ZNF717: variants seen among roughly 807,000 people sequenced by gnomAD.
The protein encoded by ZNF717 is krueppel-like factor X17.
In ZNF717, 9 loss-of-function variants were observed where a neutral mutation model predicts 13.8. That is an observed-to-expected ratio of 0.65 (90% CI 0.39 to 1.14). The LOEUF (loss-of-function observed/expected upper bound fraction) is 1.14, where lower values mean the gene tolerates loss of function less well. Ranked by LOEUF, ZNF717 falls within the 50% of genes most tolerant of loss-of-function variation. The pLI, the probability that ZNF717 is intolerant of heterozygous loss-of-function variation, is 0.01. For missense variants in ZNF717, 1,040 were observed against 1,080.7 expected (o/e 0.96, Z 0.53); for synonymous variants, 327 against 364.1 (o/e 0.90, Z 1.16).
intron 2 of ZNF717, among the ~76,000 whole-genome samples, chr3:75,744,171 G>C (rs79089350): frequency 6.6e-6 from 1 of 150,782 alleles, no homozygotes; most frequent in African/African-American, 2.4e-5. Context: ...TTCAATATTC[G>C]GAAGTCTACT....
chr3:75,770,780 G>T (rs1258729991), intron 2 of ZNF717, among the ~76,000 whole-genome samples: 2 of 152,110 alleles, frequency 1.3e-5, no homozygotes, highest in African/African-American at 4.8e-5. Flanking sequence ...CAACAAAGAA[G>T]CATTCAACAG....
At chr3:75,718,782 G>A (rs62248771) in intron 4 of ZNF717, among the ~76,000 whole-genome samples, 36 of 152,252 alleles carry the variant, frequency 2.4e-4, no homozygotes, top group African/African-American at 8.7e-4. Context: ...GATAGGAGGC[G>A]GAGCTCAGGT....
intron 2 of ZNF717, among the ~76,000 whole-genome samples, chr3:75,776,378 T>C (rs1944322239): frequency 6.6e-6 from 1 of 152,286 alleles, no homozygotes; most frequent in Non-Finnish European, 1.5e-5. Context: ...TTAAACATTT[T>C]ATAAAGGGAT....
intron 6 of ZNF717, among the ~76,000 whole-genome samples, chr3:75,699,931 A>G (rs1937652078): frequency 6.6e-6 from 1 of 152,306 alleles, no homozygotes; most frequent in Non-Finnish European, 1.5e-5. Flanking sequence ...GTGGGAATTT[A>G]CCAAAGAAAT....
chr3:75,781,906 G>C (rs7652271), intron 2 of ZNF717, among the ~76,000 whole-genome samples: 21 of 151,760 alleles, frequency 1.4e-4, no homozygotes, highest in African/African-American at 4.8e-4. Context: ...ACCATCTGTC[G>C]TTTTAACTTT....
intron 2 of ZNF717, among the ~76,000 whole-genome samples, chr3:75,756,584 T>C (rs556214356): frequency 2.6e-5 from 4 of 152,366 alleles, no homozygotes; most frequent in African/African-American, 9.6e-5. Flanking sequence ...CTAAACAATG[T>C]TGCTGCTGTT....
intron 4 of ZNF717, among the ~76,000 whole-genome samples, chr3:75,718,877 G>T (rs1008771269): frequency 6.6e-6 from 1 of 152,154 alleles, no homozygotes; most frequent in Non-Finnish European, 1.5e-5. Context: ...CCATGGCCCA[G>T]GGATGGGGAC....
intron 4 of ZNF717, among the ~76,000 whole-genome samples, chr3:75,739,742 C>A (rs1421113089): frequency 6.6e-6 from 1 of 151,614 alleles, no homozygotes; most frequent in African/African-American, 2.4e-5. Context: ...CTTTATTCTT[C>A]TTTGAAGATA....
At chr3:75,720,462 A>C (rs74608206) in intron 4 of ZNF717, among the ~76,000 whole-genome samples, 1 of 152,118 alleles carries the variant, frequency 6.6e-6, no homozygotes, top group Non-Finnish European at 1.5e-5. Context: ...AAACATGGGA[A>C]CAATAGACAC....
chr3:75,736,755 C>T lies in ZNF717; in HGVS notation c.*123G>A. The T allele has an allele frequency of 1.9e-6, 2 of 1,063,816 alleles. No individual in the cohort carries two copies. The highest frequency in any genetic ancestry group is 1.9e-5 in the South Asian group (1 of 52,158). 65.9% of individuals were successfully genotyped at this position (1,063,816 alleles called of 1,614,324 possible). On this transcript the variant is annotated 3_prime_UTR_variant, in exon 5 of 5. Transcript: ENST00000652011. Reference sequence around the variant, plus strand: ...AGCCTGCATGATAGGACTTCTGTTACAGCATGGTTAAGACCTTCTTGTTGG... The same window carrying T: ...AGCCTGCATGATAGGACTTCTGTTATAGCATGGTTAAGACCTTCTTGTTGG...
intron 2 of ZNF717, among the ~76,000 whole-genome samples, chr3:75,762,810 A>G (rs1451892786): frequency 6.8e-6 from 1 of 147,656 alleles, no homozygotes; most frequent in East Asian, 1.9e-4. Context: ...GCAATAAGCC[A>G]AAAAAAAAAT....
intron 6 of ZNF717, among the ~76,000 whole-genome samples, chr3:75,699,918 T>A (rs76908111): frequency 1.3e-5 from 2 of 150,444 alleles, no homozygotes; most frequent in African/African-American, 4.9e-5. Flanking sequence ...TGAATCAAAA[T>A]GTGTGGGAAT....
At chr3:75,764,843 C>T (rs1943306658) in intron 2 of ZNF717, among the ~76,000 whole-genome samples, 1 of 151,984 alleles carries the variant, frequency 6.6e-6, no homozygotes. Flanking sequence ...CCATATGATC[C>T]AGCCATCCAA....
chr3:75,754,266 C>T (rs1206038390), intron 2 of ZNF717, among the ~76,000 whole-genome samples: 3 of 152,190 alleles, frequency 2.0e-5, no homozygotes, highest in Non-Finnish European at 2.9e-5. Flanking sequence ...TACCACATTA[C>T]TGAAGCTATA....
At chr3:75,715,464 C>A (rs1348863149) in intron 5 of ZNF717, among the ~76,000 whole-genome samples, 2 of 152,072 alleles carry the variant, frequency 1.3e-5, no homozygotes, top group Admixed American at 6.5e-5. Context: ...AAGATTTTGA[C>A]CTGTTTGATC....
intron 2 of ZNF717, among the ~76,000 whole-genome samples, chr3:75,772,857 C>T (rs555734448): frequency 1.0e-3 from 158 of 152,352 alleles, no homozygotes; most frequent in Non-Finnish European, 1.9e-3. Flanking sequence ...ACACTTGTGC[C>T]CTTTGACCTC....
intron 2 of ZNF717, among the ~76,000 whole-genome samples, chr3:75,751,147 C>T (rs376184291): frequency 6.6e-6 from 1 of 151,980 alleles, no homozygotes; most frequent in African/African-American, 2.4e-5. Context: ...TATTCCAGAA[C>T]ACTGCTGCTG....
chr3:75,730,949 G>A (rs1426506129), downstream of ZNF717, among the ~76,000 whole-genome samples: 1 of 152,216 alleles, frequency 6.6e-6, no homozygotes, highest in Non-Finnish European at 1.5e-5. Context: ...CATGTAAGAA[G>A]CTTAGAAGTA....
At chr3:75,734,257 G>T (rs1403642032), downstream of ZNF717, among the ~76,000 whole-genome samples, 2 of 151,580 alleles carry the variant, frequency 1.3e-5, no homozygotes, top group African/African-American at 4.8e-5. Flanking sequence ...TTTTATTAGA[G>T]ACAGTGTTTC....
Sources: gnomAD v4.1 joint callset for allele counts (sites outside exome capture counted in the v4.1 genomes callset) on GRCh38, gnomAD v4.1.1 for gene constraint, MANE v1.5 for transcripts, NCBI Gene and HGNC (gene_info 2026-07-23, HGNC 2026-07-21) for gene names.